Variants in PSAP observed in about 807,000 individuals in gnomAD.
PSAP encodes the protein precursor of saposins.
A neutral mutation model predicts 66.0 loss-of-function variants in PSAP; 25 were observed. The ratio of observed to expected loss-of-function variants is 0.38; its 90% CI spans 0.28 to 0.53. PSAP has a LOEUF of 0.53. PSAP is among the 20% of genes least tolerant of loss of function. PSAP has a pLI of 0.83. For missense variants in PSAP, 649 were observed against 668.8 expected (o/e 0.97, Z 0.33); for synonymous variants, 273 against 258.9 (o/e 1.05, Z -0.52).
rs1018481126 is a variant in PSAP, at chr10:71,817,130, G to C, written c.*311C>G. On this transcript the variant is annotated 3_prime_UTR_variant, in exon 14 of 14. Transcript: ENST00000394936. Reference sequence around the variant, plus strand: ...AAGAGGGTTGATGGCCTCCAGTCAAGAAACTGTGGCTCATGCCAGCAGAGC... The same window carrying C: ...AAGAGGGTTGATGGCCTCCAGTCAACAAACTGTGGCTCATGCCAGCAGAGC... 1 of 481,724 alleles carries C rather than the reference G, an allele frequency of 2.1e-6. No individual in the cohort carries two copies. Among genetic ancestry groups the C allele is most frequent in the Admixed American group, 3.3e-5 (1 of 30,088 alleles). The allele number at this position is 481,724 out of a possible 1,614,324, so 29.8% of individuals were successfully genotyped here.
At position 71,818,740 on chromosome 10, in the gene PSAP, A is replaced by C. The variant is rs1271113588; in HGVS notation, c.1432-16T>G. On this transcript the variant is annotated splice_polypyrimidine_tract_variant and intron_variant, in intron 12 of 13. Transcript: ENST00000394936. Reference sequence around the variant, plus strand: ...CTCCAATTTTCTATATGGTGAGAAAAGGAAAGAAGAAAGGGGGAGAATGAG... The same window carrying C: ...CTCCAATTTTCTATATGGTGAGAAACGGAAAGAAGAAAGGGGGAGAATGAG... The C allele has an allele frequency of 5.0e-6, 8 of 1,601,458 alleles. No individual in the cohort carries two copies. The highest frequency in any genetic ancestry group is 6.8e-6 in the Non-Finnish European group (8 of 1,168,486).
chr10:71,842,695 T>C (rs9663508), intron 1 of PSAP, among the ~76,000 whole-genome samples: 84,294 of 151,818 alleles, frequency 0.56, 23,788 homozygotes, highest in Non-Finnish European at 0.6. Context: ...ATATTAGACT[T>C]CCCTGTACCT....
chr10:71,838,455 G>A (rs1334627348), intron 1 of PSAP, among the ~76,000 whole-genome samples: 2 of 152,250 alleles, frequency 1.3e-5, no homozygotes, highest in African/African-American at 2.4e-5. Context: ...CAAGGAGGGG[G>A]AGAATCCCGT....
In PSAP at chr10:71,820,305, A is replaced by C; in HGVS notation, c.940T>G (p.Tyr314Asp). ...ACCAGGAATTCACACACCTCACAGT[A>C]AACATCAGACTTTGCTGGGACCTCG... The part of the protein sequence containing the change: ...KHEVPAKSDV[Y>D]CEVCEFLVKE... The change falls in exon 9 of 14, where the codon TAC (tyrosine) becomes GAC (aspartate). Residue 314 changes from tyrosine (Y) to aspartate (D), a missense_variant. By Grantham distance (160) the Tyr-to-Asp change is radical. Coordinates refer to ENST00000394936, the MANE Select transcript of PSAP (RefSeq NM_002778.4). 6.2e-7 allele frequency: 1 copy of C among 1,614,170 alleles called. No homozygotes were observed. Among genetic ancestry groups the C allele is most frequent in the South Asian group, 1.1e-5 (1 of 91,082 alleles).
In PSAP at chr10:71,831,256, G is replaced by A. The variant is rs370622849; in HGVS notation, c.250-5C>T. 1.1e-4 allele frequency: 173 copies of A among 1,613,490 alleles called. No homozygotes were observed. The Middle Eastern group carries it at 1.8e-3, about 17-fold the overall frequency. On this transcript the variant is annotated splice_region_variant and splice_polypyrimidine_tract_variant and intron_variant, in intron 3 of 13. Transcript: ENST00000394936. ...CAAGTAAACAAGGATCTCCTCCTAC[G>A]AGAGGACACCAGGGTCAGAATCACG... is the stretch of plus-strand genomic sequence containing the variant.
intron 1 of PSAP, among the ~76,000 whole-genome samples, chr10:71,847,629 C>T (rs2133070255): frequency 6.6e-6 from 1 of 150,614 alleles, no homozygotes; most frequent in African/African-American, 2.4e-5. Context: ...TTTCTTCTGC[C>T]TATTAAACTT....
At chr10:71,836,482 T>C (rs1008191011) in intron 1 of PSAP, among the ~76,000 whole-genome samples, 6 of 152,034 alleles carry the variant, frequency 3.9e-5, no homozygotes, top group African/African-American at 1.4e-4. Flanking sequence ...CCTGGGCCCC[T>C]AGGACTCTGA....
rs887703940 is a variant in PSAP at position 71,821,750 on chromosome 10, C to T, written c.909+126G>A. 3.7e-6 allele frequency: 5 copies of T among 1,335,100 alleles called. No individual in the cohort carries two copies. The African/African-American group carries it at 5.8e-5, about 15-fold the overall frequency. 82.7% of individuals were successfully genotyped at this position (1,335,100 alleles called of 1,614,324 possible). On this transcript the variant is annotated intron_variant, in intron 8 of 13. Coordinates refer to ENST00000394936, the MANE Select transcript of PSAP (RefSeq NM_002778.4). ...TAGGATAAACCAGTGATCACAAACT[C>T]AAAGACCTTTAGGAGCCAGGCAGGG...
At position 71,821,011 on chromosome 10, in the gene PSAP, T is replaced by C. The variant is rs80338511; in HGVS notation, c.910-676A>G. ...TTAAAATTTAAGTAGTCACATGTGG[T>C]TGGAGTGCGAGCTATAACTCTTCAC... On this transcript the variant is annotated intron_variant, in intron 8 of 13. Transcript: ENST00000394936. Among the ~76,000 whole-genome samples, 67 of 152,344 alleles carry C rather than the reference T, an allele frequency of 4.4e-4. 1 individual carries two copies. The East Asian group carries it at 0.013, about 29-fold the overall frequency.
chr10:71,818,458 G>C (rs1299602588), intron 13 of PSAP, among the ~76,000 whole-genome samples, 159 bp downstream of exon 13: 3 of 152,084 alleles, frequency 2.0e-5, no homozygotes, highest in Admixed American at 1.3e-4. Flanking sequence ...CTTTTCTAGG[G>C]GACCATGAGT....
chr10:71,822,560 G>A (rs1055511926), intron 7 of PSAP: 6 of 471,550 alleles, frequency 1.3e-5, no homozygotes, highest in Middle Eastern at 3.2e-4. Context: ...AACCCAACCC[G>A]CCAAATGGAT....
intron 1 of PSAP, among the ~76,000 whole-genome samples, chr10:71,841,498 CA>C (rs1374496438): frequency 2.6e-5 from 4 of 152,186 alleles, no homozygotes; most frequent in African/African-American, 9.7e-5. Context: ...GGGAGGATAT[CA>C]GACTGGCCCA....
chr10:71,828,102 G>A lies in PSAP; in HGVS notation c.632C>T (p.Ala211Val). Residue 211 changes from alanine (A) to valine (V), a missense_variant, in exon 6 of 14, where the codon GCT becomes GTT. Transcript: ENST00000394936. ...CIQMVTDIQT[A>V]VRTNSTFVQA... ...GACAAAGGTGGAGTTGGTCCGTACA[G>A]CAGTCTGGATGTCAGTCACCATCTG... is the stretch of plus-strand genomic sequence containing the variant. 6.2e-7 allele frequency: 1 copy of A among 1,614,164 alleles called. No individual in the cohort carries two copies. Among genetic ancestry groups the A allele is most frequent in the Non-Finnish European group, 8.5e-7 (1 of 1,180,030 alleles).
intron 1 of PSAP, among the ~76,000 whole-genome samples, chr10:71,839,600 AC>A: frequency 6.6e-6 from 1 of 152,012 alleles, no homozygotes; most frequent in African/African-American, 2.4e-5. Flanking sequence ...CATGCCTGTA[AC>A]CCCAGTACTT....
intron 1 of PSAP, among the ~76,000 whole-genome samples, chr10:71,839,574 G>A (rs1842692532): frequency 6.6e-6 from 1 of 152,170 alleles, no homozygotes; most frequent in Admixed American, 6.5e-5. Flanking sequence ...AGATTTCAGG[G>A]CCATGTGCGG....
In PSAP at chr10:71,826,350, A is replaced by C. The variant is rs564382612; in HGVS notation, c.721-457T>G. ...AAGTTATAATGATTTTTAACTGCTT[A>C]TTTTCAGACAATCTAGATACTTCCA... On this transcript the variant is annotated intron_variant, in intron 6 of 13. Transcript: ENST00000394936. Among the ~76,000 whole-genome samples, 55 of 152,276 alleles carry C rather than the reference A, an allele frequency of 3.6e-4. No individual in the cohort carries two copies. The South Asian group carries it at 0.011, about 30-fold the overall frequency.
Position 71,835,989 on chromosome 10 carries a change from G to T in PSAP, c.41-1484C>A, listed in dbSNP as rs1398174242. Among the ~76,000 whole-genome samples, 4 of 152,260 alleles carry T rather than the reference G, an allele frequency of 2.6e-5. 1 individual carries two copies. The highest frequency in any genetic ancestry group is 1.5e-5 in the Non-Finnish European group (1 of 68,028). ...GTACGTGTTCTTCCTCCAGGAGAGGGTAAGGAATGAACTGCTTTCTTTCAT... is the reference window on the plus strand; with the variant it reads ...GTACGTGTTCTTCCTCCAGGAGAGGTTAAGGAATGAACTGCTTTCTTTCAT... On this transcript the variant is annotated intron_variant, in intron 1 of 13. Transcript: ENST00000394936.
Position 71,818,632 on chromosome 10 carries a change from T to G in PSAP, c.1524A>C (p.Thr508=). 1 of 1,613,812 alleles carries G rather than the reference T, an allele frequency of 6.2e-7. No homozygotes were observed. The highest frequency in any genetic ancestry group is 2.2e-5 in the East Asian group (1 of 44,884). Residue 508 remains threonine, a synonymous_variant, in exon 13 of 14, where the codon ACA becomes ACC. Transcript: ENST00000394936. ...AGCTACTCACATTGCACTGGGCTGC[T>G]GTCTCTGTGTTCTGGCACCAGTAGC... ...GPSYWCQNTE[T]AAQCNAVEHC...
At chr10:71,818,509 T>C in intron 13 of PSAP, 108 bp downstream of exon 13, 6 of 1,014,652 alleles carry the variant, frequency 5.9e-6, no homozygotes, top group Non-Finnish European at 7.9e-6. Context: ...TCTGATAACA[T>C]AAAAGCAGGG....
Sources: gnomAD v4.1 joint callset for allele counts (sites outside exome capture counted in the v4.1 genomes callset) on GRCh38, gnomAD v4.1.1 for gene constraint, MANE v1.5 for transcripts, NCBI Gene and HGNC (gene_info 2026-07-23, HGNC 2026-07-21) for gene names.